The following PALLD variants were observed in gnomAD, a reference collection of about 807,000 sequenced individuals.
PALLD encodes palladin.
A neutral mutation model predicts 123.5 loss-of-function variants in PALLD; 61 were observed. That is an observed-to-expected ratio of 0.49 (90% CI 0.40 to 0.61). The LOEUF (loss-of-function observed/expected upper bound fraction) is 0.61, where lower values mean the gene tolerates loss of function less well. PALLD is among the 20% of genes least tolerant of loss of function. The pLI is 0.00. For synonymous variants in PALLD, 465 were observed against 496.4 expected, an observed-to-expected ratio of 0.94 and a Z score of 0.84; for missense variants, 1,273 against 1,377.0, an observed-to-expected ratio of 0.92 and a Z score of 1.20.
intron 17 of PALLD, among the ~76,000 whole-genome samples, chr4:168,918,383 GACA>G (rs1760704171): frequency 6.6e-6 from 1 of 151,740 alleles, no homozygotes; most frequent in Non-Finnish European, 1.5e-5. Context: ...CTGTCATTGT[GACA>G]ACATGGATGA....
At chr4:168,659,867 A>G (rs1037241911) in intron 2 of PALLD, among the ~76,000 whole-genome samples, 1 of 152,230 alleles carries the variant, frequency 6.6e-6, no homozygotes, top group African/African-American at 2.4e-5. Flanking sequence ...TAAAATCTAT[A>G]TTTCCTGCTA....
chr4:168,586,877 C>T (rs537730014), intron 2 of PALLD, among the ~76,000 whole-genome samples: 6 of 152,104 alleles, frequency 3.9e-5, no homozygotes, highest in Admixed American at 1.3e-4. Context: ...AAAAAAAAAT[C>T]GAACGTTCCC....
rs182858823 is a variant in PALLD at position 168,509,356 on chromosome 4, A to G, written c.-82-2067A>G. On this transcript the variant is annotated intron_variant, in intron 1 of 21. Coordinates refer to ENST00000505667, the MANE Select transcript of PALLD (RefSeq NM_001166108.2). ...TCCTTTGAAATAATTGTAATATATT[A>G]CTGATTTTTTCAATTGTTAAATAAA... Among the ~76,000 whole-genome samples, 81 of 152,326 alleles carry G rather than the reference A, an allele frequency of 5.3e-4. 1 individual carries two copies. The highest frequency in any genetic ancestry group is 9.8e-4 in the Admixed American group (15 of 15,302).
intron 2 of PALLD, among the ~76,000 whole-genome samples, chr4:168,535,731 A>T (rs10021074): frequency 6.6e-6 from 1 of 151,960 alleles, no homozygotes; most frequent in African/African-American, 2.4e-5. Flanking sequence ...CACCCATTGC[A>T]TCCCTCTTAA....
chr4:168,557,517 T>A (rs1767442348), intron 2 of PALLD, among the ~76,000 whole-genome samples: 1 of 152,234 alleles, frequency 6.6e-6, no homozygotes. Context: ...CATTAGTTCA[T>A]TCCAGGCATA....
At chr4:168,506,898 TTC>T (rs1390571864) in intron 1 of PALLD, among the ~76,000 whole-genome samples, 3 of 152,240 alleles carry the variant, frequency 2.0e-5, no homozygotes, top group African/African-American at 7.2e-5. Context: ...CTGAGATATT[TTC>T]TTTCCCAGCT....
At chr4:168,646,892 C>T (rs1211313519) in intron 2 of PALLD, among the ~76,000 whole-genome samples, 1 of 152,148 alleles carries the variant, frequency 6.6e-6, no homozygotes, top group African/African-American at 2.4e-5. Flanking sequence ...TTAAAATACT[C>T]AAGGCCTTTC....
Position 168,623,855 on chromosome 4 carries a change from C to T in PALLD, c.909-44335C>T, listed in dbSNP as rs569940194. Among the ~76,000 whole-genome samples, 6 of 152,202 alleles carry T rather than the reference C, an allele frequency of 3.9e-5. 1 individual carries two copies. The South Asian group carries it at 1.2e-3, about 32-fold the overall frequency. Reference sequence around the variant, plus strand: ...ACAACACAGTAGCCACTGTGTAAAGCAGGAATTACAGAAGAGGAAAGAAGA... The same window carrying T: ...ACAACACAGTAGCCACTGTGTAAAGTAGGAATTACAGAAGAGGAAAGAAGA... On this transcript the variant is annotated intron_variant, in intron 2 of 21. Transcript: ENST00000505667.
intron 10 of PALLD, among the ~76,000 whole-genome samples, chr4:168,726,825 C>G (rs1467730732): frequency 1.3e-5 from 2 of 151,962 alleles, no homozygotes; most frequent in African/African-American, 2.4e-5. Flanking sequence ...GTATATTATA[C>G]CCATGTAGTG....
intron 3 of PALLD, among the ~76,000 whole-genome samples, chr4:168,677,415 G>A (rs1780969700): frequency 6.6e-6 from 1 of 152,120 alleles, no homozygotes; most frequent in Admixed American, 6.5e-5. Flanking sequence ...TTTATTCAGG[G>A]GGCCCCAGCC....
chr4:168,858,648 G>A (rs373887395), intron 10 of PALLD, among the ~76,000 whole-genome samples: 1 of 152,072 alleles, frequency 6.6e-6, no homozygotes, highest in South Asian at 2.1e-4. Context: ...TGGGCACGGT[G>A]GCACATACCT....
intron 2 of PALLD, among the ~76,000 whole-genome samples, chr4:168,645,097 C>CA (rs58366362): frequency 0.015 from 1,719 of 116,960 alleles, 42 homozygotes; most frequent in African/African-American, 0.044. Flanking sequence ...GACACAGTCT[C>CA]AAAAAAAAAA....
intron 2 of PALLD, among the ~76,000 whole-genome samples, chr4:168,586,972 T>G (rs933630016): frequency 6.6e-6 from 1 of 152,226 alleles, no homozygotes; most frequent in Non-Finnish European, 1.5e-5. Flanking sequence ...ACAGTCTCTT[T>G]GCAGAGCTGC....
intron 2 of PALLD, among the ~76,000 whole-genome samples, chr4:168,537,339 T>C (rs1448650675): frequency 6.6e-6 from 1 of 152,214 alleles, no homozygotes; most frequent in Admixed American, 6.5e-5. Flanking sequence ...AACATACTTT[T>C]GGTTACACAA....
intron 2 of PALLD, among the ~76,000 whole-genome samples, chr4:168,573,999 C>G (rs530591722): frequency 1.3e-5 from 2 of 151,344 alleles, no homozygotes; most frequent in Admixed American, 1.3e-4. Context: ...TTTGGATGAT[C>G]TGTGCCACGT....
At position 168,681,387 on chromosome 4, in the gene PALLD, A is replaced by T. The variant is rs1451643475; in HGVS notation, c.1143A>T (p.Gly381=). The T allele has an allele frequency of 3.1e-6, 5 of 1,602,638 alleles. No homozygotes were observed. The highest frequency in any genetic ancestry group is 4.3e-6 in the Non-Finnish European group (5 of 1,169,834). The change falls in exon 4 of 22, where the codon GGA becomes GGT. Residue 381 remains glycine, a synonymous_variant. Transcript: ENST00000505667. ...GTTTAGCTTTCAAATCAAGAGCTGGAGCTATGCCACAGTAAGTGCCTACAA... is the reference window on the plus strand; with the variant it reads ...GTTTAGCTTTCAAATCAAGAGCTGGTGCTATGCCACAGTAAGTGCCTACAA... The part of the protein sequence containing the change: ...SESLAFKSRA[G]AMPQAQKKTT...
At chr4:168,678,621 G>A (rs902756688) in intron 3 of PALLD, among the ~76,000 whole-genome samples, 1 of 152,052 alleles carries the variant, frequency 6.6e-6, no homozygotes, top group African/African-American at 2.4e-5. Flanking sequence ...GTGTCCTAGG[G>A]GAGGCTTCCT....
At chr4:168,663,167 C>A (rs995035114) in intron 2 of PALLD, among the ~76,000 whole-genome samples, 2 of 152,140 alleles carry the variant, frequency 1.3e-5, no homozygotes, top group East Asian at 3.8e-4. Flanking sequence ...GACTGCTATT[C>A]GGATGTGGTG....
Position 168,823,291 on chromosome 4 carries a change from G to A in PALLD, c.1965-67631G>A, listed in dbSNP as rs182204815. On this transcript the variant is annotated intron_variant, in intron 10 of 21. Transcript: ENST00000505667. ...TCACGGAACCATAGCTGGCCCCATC[G>A]ATTTTTACTGTCACTGTAACAGAGA... is the stretch of plus-strand genomic sequence containing the variant. Among the ~76,000 whole-genome samples the A allele has an allele frequency of 5.5e-4, 84 of 152,260 alleles. 1 individual carries two copies. Among genetic ancestry groups the A allele is most frequent in the Admixed American group, 4.1e-3 (62 of 15,286 alleles).
Sources: allele counts gnomAD v4.1 joint callset (sites outside exome capture counted in the v4.1 genomes callset), GRCh38; gene constraint gnomAD v4.1.1; transcripts MANE v1.5; gene names NCBI Gene and HGNC (gene_info 2026-07-23, HGNC 2026-07-21).